TUBA1C: variants seen among roughly 807,000 people sequenced by gnomAD.
The protein encoded by TUBA1C is tubulin alpha-1C chain.
TUBA1C carries 16 observed loss-of-function variants against 34.9 expected under a neutral mutation model. The observed-to-expected ratio is 0.46, with a 90% CI of 0.31 to 0.70. The LOEUF is 0.70. Among genes scored for constraint, TUBA1C ranks in the 30% least tolerant of loss-of-function variants. TUBA1C has a pLI of 0.05. For missense variants in TUBA1C, 329 were observed against 587.3 expected (o/e 0.56, Z 4.55); for synonymous variants, 177 against 215.9 (o/e 0.82, Z 1.58).
upstream of TUBA1C, among the ~76,000 whole-genome samples, chr12:49,262,251 CAAAAAAA>C (rs35517135): frequency 1.7e-5 from 2 of 115,120 alleles, no homozygotes; most frequent in African/African-American, 3.2e-5. Flanking sequence ...TTCATCTTTA[CAAAAAAA>C]AAAAAAAGAT....
upstream of TUBA1C, among the ~76,000 whole-genome samples, chr12:49,264,404 G>A (rs1439974724): frequency 6.6e-6 from 1 of 152,188 alleles, no homozygotes; most frequent in African/African-American, 2.4e-5. Context: ...AGTTTAAGGC[G>A]CGTTCGTGGT....
At chr12:49,237,357 GC>G (rs764215044) in intron 1 of TUBA1C, among the ~76,000 whole-genome samples, 2 of 151,940 alleles carry the variant, frequency 1.3e-5, no homozygotes, top group Non-Finnish European at 2.9e-5. Flanking sequence ...AGCGGAGGTT[GC>G]GGTGAGCCGA....
chr12:49,254,057 A>G (rs1942757359), intron 1 of TUBA1C, among the ~76,000 whole-genome samples: 1 of 152,160 alleles, frequency 6.6e-6, no homozygotes, highest in Non-Finnish European at 1.5e-5. Flanking sequence ...TACGCCTGTA[A>G]TCCCAGCAGT....
chr12:49,234,694 C>T (rs1045566991), intron 1 of TUBA1C, among the ~76,000 whole-genome samples: 2 of 152,210 alleles, frequency 1.3e-5, no homozygotes, highest in African/African-American at 2.4e-5. Context: ...CCCCGCCACG[C>T]CCTGCTGTTT....
At chr12:49,251,079 T>C (rs1942727563) in intron 1 of TUBA1C, among the ~76,000 whole-genome samples, 1 of 151,858 alleles carries the variant, frequency 6.6e-6, no homozygotes, top group Non-Finnish European at 1.5e-5. Flanking sequence ...GGGTGGCACA[T>C]ACCTATAGAC....
At chr12:49,268,772 T>C (rs541971106) in intron 1 of TUBA1C, among the ~76,000 whole-genome samples, 2 of 152,278 alleles carry the variant, frequency 1.3e-5, no homozygotes, top group South Asian at 2.1e-4. Context: ...TTAAGCTGGT[T>C]TTAAAGGAGG....
chr12:49,228,108 C>A (rs767666891), exon 1 of TUBA1C: 2 of 1,535,552 alleles, frequency 1.3e-6, no homozygotes, highest in Non-Finnish European at 1.7e-6. Flanking sequence ...CAGCTCCCTG[C>A]GCCTTTTAAC....
chr12:49,273,252 C>A lies in TUBA1C; in HGVS notation c.*25C>A. 6.2e-7 allele frequency: 1 copy of A among 1,614,118 alleles called. No individual in the cohort carries two copies. Among genetic ancestry groups the A allele is most frequent in the Non-Finnish European group, 8.5e-7 (1 of 1,180,036 alleles). On this transcript the variant is annotated 3_prime_UTR_variant, in exon 4 of 4. Coordinates refer to ENST00000301072, the MANE Select transcript of TUBA1C (RefSeq NM_032704.5). ...ACCTGTGTGCTGTACTTTTACACTC[C>A]TTTGTCTTGGAACTGTCTTATTTTT...
At chr12:49,249,358 C>T (rs1233427791) in intron 1 of TUBA1C, among the ~76,000 whole-genome samples, 1 of 151,930 alleles carries the variant, frequency 6.6e-6, no homozygotes, top group African/African-American at 2.4e-5. Context: ...ACCCGGGAGG[C>T]GGAGGTTGTG....
chr12:49,255,405 A>AAAATATATATATATATAT (rs533723121), intron 1 of TUBA1C, among the ~76,000 whole-genome samples: 2 of 141,314 alleles, frequency 1.4e-5, no homozygotes, highest in African/African-American at 5.1e-5. Context: ...ATCTTTAAAA[A>AAAATATATATATATATAT]ATATATATAT....
upstream of TUBA1C, among the ~76,000 whole-genome samples, chr12:49,261,859 T>G (rs1178211201): frequency 1.3e-5 from 2 of 152,242 alleles, no homozygotes; most frequent in Non-Finnish European, 2.9e-5. Context: ...AACGCTTATT[T>G]CCCTAAAGCA....
intron 1 of TUBA1C, among the ~76,000 whole-genome samples, chr12:49,242,857 G>T (rs551765491): frequency 1.3e-5 from 2 of 152,080 alleles, no homozygotes; most frequent in Non-Finnish European, 2.9e-5. Context: ...AAGCTGCAGT[G>T]CAATGGTGTG....
At chr12:49,240,047 C>G (rs879782456) in intron 1 of TUBA1C, among the ~76,000 whole-genome samples, 5 of 149,666 alleles carry the variant, frequency 3.3e-5, no homozygotes, top group African/African-American at 1.3e-4. Context: ...CACACACACA[C>G]ACACACACAC....
At chr12:49,238,044 G>A (rs185416647) in intron 1 of TUBA1C, among the ~76,000 whole-genome samples, 30 of 151,562 alleles carry the variant, frequency 2.0e-4, no homozygotes, top group African/African-American at 6.1e-4. Context: ...GGGAGGCAGA[G>A]GTTGCAGTGA....
intron 1 of TUBA1C, among the ~76,000 whole-genome samples, chr12:49,235,474 CCTGTAA>C: frequency 6.6e-6 from 1 of 152,014 alleles, no homozygotes; most frequent in African/African-American, 2.4e-5. Flanking sequence ...GTGGCTCACA[CCTGTAA>C]TCCCAACACT....
At position 49,247,179 on chromosome 12, in the gene TUBA1C, A is replaced by C. The variant is rs539773844; in HGVS notation, c.213+19013A>C. Among the ~76,000 whole-genome samples the C allele has an allele frequency of 1.4e-4, 22 of 152,166 alleles. No homozygotes were observed. The South Asian group carries it at 2.3e-3, about 16-fold the overall frequency. On this transcript the variant is annotated intron_variant, in intron 1 of 3. Transcript: ENST00000541364. ...AAGAAAAAAAAAGTAAAACAAGAGA[A>C]AAGAAACTAAGCAGAGAGATCAGCA...
chr12:49,269,289 C>T (rs1385659081), intron 1 of TUBA1C, among the ~76,000 whole-genome samples, 176 bp from the exon 2 acceptor site: 5 of 152,170 alleles, frequency 3.3e-5, no homozygotes, highest in South Asian at 4.1e-4. Flanking sequence ...TCTCAAACTC[C>T]TGACCTCAGG....
chr12:49,264,845 TTCCTCC>T (rs1565647737), upstream of TUBA1C: 13 of 109,870 alleles, frequency 1.2e-4, no homozygotes, highest in East Asian at 1.5e-3. Flanking sequence ...CTTCCTCCCC[TTCCTCC>T]CCTTCCTCCC....
intron 3 of TUBA1C, among the ~76,000 whole-genome samples, chr12:49,270,970 C>T (rs1310950398): frequency 2.0e-5 from 3 of 151,994 alleles, no homozygotes; most frequent in Non-Finnish European, 4.4e-5. Context: ...CAGAGTGAGA[C>T]TCCATCTCAA....
Sources: gnomAD v4.1 joint callset for allele counts (sites outside exome capture counted in the v4.1 genomes callset) on GRCh38, gnomAD v4.1.1 for gene constraint, MANE v1.5 for transcripts, NCBI Gene and HGNC (gene_info 2026-07-23, HGNC 2026-07-21) for gene names.